The following TMEM132D variants were observed in gnomAD, a reference collection of about 807,000 sequenced individuals.
TMEM132D encodes mature OL transmembrane protein.
TMEM132D carries 21 observed loss-of-function variants against 62.3 expected under a neutral mutation model. That is an observed-to-expected ratio of 0.34 (90% CI 0.24 to 0.49). The LOEUF is 0.49. TMEM132D is among the 20% of genes least tolerant of loss of function. TMEM132D has a pLI of 0.99. For synonymous variants in TMEM132D, 621 were observed against 575.6 expected (o/e 1.08, Z -1.13); for missense variants, 1,346 against 1,402.8 (o/e 0.96, Z 0.65).
intron 5 of TMEM132D, among the ~76,000 whole-genome samples, chr12:129,096,522 G>T (rs1201118055): frequency 6.6e-6 from 1 of 152,186 alleles, no homozygotes; most frequent in Non-Finnish European, 1.5e-5. Flanking sequence ...CCAGACCCTT[G>T]AACCACCATC....
chr12:129,438,586 G>A (rs1872854438), intron 3 of TMEM132D, among the ~76,000 whole-genome samples: 1 of 152,172 alleles, frequency 6.6e-6, no homozygotes, highest in African/African-American at 2.4e-5. Flanking sequence ...CCTGGATTTA[G>A]AGGTCGGGAT....
chr12:129,721,060 T>C (rs1046106702), intron 1 of TMEM132D, among the ~76,000 whole-genome samples: 2 of 152,218 alleles, frequency 1.3e-5, no homozygotes, highest in Admixed American at 6.5e-5. Context: ...CCTGAGGACA[T>C]GGCATTTGAG....
intron 1 of TMEM132D, among the ~76,000 whole-genome samples, chr12:129,782,845 C>T (rs1474753159): frequency 6.9e-6 from 1 of 144,592 alleles, no homozygotes; most frequent in South Asian, 2.2e-4. Context: ...ACGGCCTCCC[C>T]TCGAGGCGTA....
rs952065095 is a variant in TMEM132D, at chr12:129,847,912, C to A, written c.79+55349G>T. ...GGGGCAGCCTTCAGAGGACTCCAGC[C>A]ACAGCCACCACCTGCCCGCAGTAGT... On this transcript the variant is annotated intron_variant, in intron 1 of 8. Transcript: ENST00000422113. Among the ~76,000 whole-genome samples, 18 of 152,034 alleles carry A rather than the reference C, an allele frequency of 1.2e-4. 1 individual carries two copies. The highest frequency in any genetic ancestry group is 1.1e-3 in the Admixed American group (17 of 15,272).
intron 3 of TMEM132D, among the ~76,000 whole-genome samples, chr12:129,347,566 G>A (rs1869727326): frequency 6.6e-6 from 1 of 152,126 alleles, no homozygotes; most frequent in Admixed American, 6.6e-5. Flanking sequence ...AACTCAAGGT[G>A]GATTAAAGAC....
intron 5 of TMEM132D, among the ~76,000 whole-genome samples, chr12:129,092,939 T>C (rs1005030805): frequency 1.3e-5 from 2 of 152,240 alleles, no homozygotes; most frequent in African/African-American, 4.8e-5. Flanking sequence ...TAGCTCATTA[T>C]ACTAGGCTTA....
intron 1 of TMEM132D, among the ~76,000 whole-genome samples, chr12:129,811,580 G>C (rs985167187): frequency 4.6e-5 from 7 of 151,798 alleles, no homozygotes; most frequent in Non-Finnish European, 7.4e-5. Context: ...GTACAAAGAT[G>C]CCACCTCTGT....
chr12:129,903,829 C>A lies in TMEM132D; in HGVS notation c.-490G>T, dbSNP rs1368012276. 6.8e-6 allele frequency among the ~76,000 whole-genome samples: 1 copy of A among 147,028 alleles called. No individual in the cohort carries two copies. The highest frequency in any genetic ancestry group is 1.5e-5 in the Non-Finnish European group (1 of 66,122). On this transcript the variant is annotated 5_prime_UTR_variant, in exon 1 of 9. Transcript: ENST00000422113. This position sits in a 1 kb window ranked among gnomAD's most constrained non-coding sequence, Gnocchi z 6.2. ...GCTCGGAGCCCCCCGGGCGGGTGGC[C>A]GGGCTCGCTGGGCGGCCCGGGGCTC... is the stretch of plus-strand genomic sequence containing the variant.
intron 5 of TMEM132D, among the ~76,000 whole-genome samples, chr12:129,183,820 A>T (rs1878137463): frequency 6.8e-6 from 1 of 146,124 alleles, no homozygotes; most frequent in Admixed American, 6.6e-5. Flanking sequence ...GGCACGGATG[A>T]TTCTTTGGAG....
intron 3 of TMEM132D, among the ~76,000 whole-genome samples, chr12:129,513,909 C>A (rs934029032): frequency 1.3e-5 from 2 of 151,046 alleles, no homozygotes; most frequent in Non-Finnish European, 2.9e-5. Context: ...ACGATCTCGG[C>A]TGACTGCAAG....
At chr12:129,076,821 T>C (rs1222247758) in intron 8 of TMEM132D, among the ~76,000 whole-genome samples, 1 of 152,230 alleles carries the variant, frequency 6.6e-6, no homozygotes, top group Non-Finnish European at 1.5e-5. Context: ...CGGATTAGCC[T>C]TCTGGCCTTC....
chr12:129,847,085 T>C (rs1011916836), intron 1 of TMEM132D, among the ~76,000 whole-genome samples: 2 of 152,236 alleles, frequency 1.3e-5, no homozygotes, highest in Non-Finnish European at 2.9e-5. Context: ...AGAGGAGAGA[T>C]TCTTAATCCA....
intron 1 of TMEM132D, among the ~76,000 whole-genome samples, chr12:129,895,329 A>C (rs78348591): frequency 0.012 from 1,794 of 152,330 alleles, 39 homozygotes; most frequent in African/African-American, 0.041. Context: ...ATCCAGTAGC[A>C]AAACAAAGCT....
intron 2 of TMEM132D, among the ~76,000 whole-genome samples, chr12:129,628,430 G>A (rs1007237494): frequency 4.6e-5 from 7 of 152,202 alleles, no homozygotes; most frequent in African/African-American, 1.4e-4. Flanking sequence ...CGGCAGGGGC[G>A]GAGGTGTCTG....
At chr12:129,240,498 T>G (rs1204582074) in intron 4 of TMEM132D, among the ~76,000 whole-genome samples, 1 of 152,174 alleles carries the variant, frequency 6.6e-6, no homozygotes, top group Non-Finnish European at 1.5e-5. Context: ...TGAGGATGTA[T>G]CAACCTAGAC....
At chr12:129,589,155 T>C (rs989453845) in intron 2 of TMEM132D, among the ~76,000 whole-genome samples, 20 of 152,122 alleles carry the variant, frequency 1.3e-4, no homozygotes, top group African/African-American at 4.8e-4. Context: ...CCACATGTTG[T>C]AGAGGGACCC....
At chr12:129,167,218 C>T (rs1241604622) in intron 5 of TMEM132D, among the ~76,000 whole-genome samples, 2 of 151,004 alleles carry the variant, frequency 1.3e-5, no homozygotes, top group Admixed American at 6.6e-5. Context: ...AGCTCAGGAA[C>T]CTAGAAGTTT....
At chr12:129,787,074 A>T (rs1871266814) in intron 1 of TMEM132D, among the ~76,000 whole-genome samples, 1 of 152,144 alleles carries the variant, frequency 6.6e-6, no homozygotes, top group African/African-American at 2.4e-5. Flanking sequence ...GGGAGCTGTG[A>T]AAAGCTTTGC....
intron 3 of TMEM132D, among the ~76,000 whole-genome samples, chr12:129,413,214 G>A (rs989010096): frequency 3.9e-5 from 6 of 152,140 alleles, no homozygotes; most frequent in Admixed American, 3.3e-4. Flanking sequence ...GGGGCCTGGT[G>A]GGAGATAATT....
Sources: allele counts gnomAD v4.1 joint callset (sites outside exome capture counted in the v4.1 genomes callset), GRCh38; gene constraint gnomAD v4.1.1; non-coding constraint Gnocchi (gnomAD v3.1); transcripts MANE v1.5; gene names NCBI Gene and HGNC (gene_info 2026-07-23, HGNC 2026-07-21).